The following CDK17 variants were observed in gnomAD, a reference collection of about 807,000 sequenced individuals.
CDK17 encodes the protein cyclin-dependent kinase 17.
CDK17 carries 24 observed loss-of-function variants against 77.6 expected under a neutral mutation model. The ratio of observed to expected loss-of-function variants is 0.31; its 90% CI spans 0.22 to 0.44. The LOEUF is 0.44. Ranked by LOEUF, CDK17 falls within the 20% of genes least tolerant of loss-of-function variation. The pLI, the probability that CDK17 is intolerant of heterozygous loss-of-function variation, is 1.00. For synonymous variants in CDK17, 203 were observed against 210.4 expected (o/e 0.96, Z 0.30); for missense variants, 429 against 622.5 (o/e 0.69, Z 3.31).
chr12:96,283,599 T>C lies in CDK17; in HGVS notation c.1365+4A>G, dbSNP rs748016728. The stretch of plus-strand genomic sequence containing the variant: ...TTTAACAATTACTGTAAGAACTGAC[T>C]TACCTGAAGAAATTTTGTTATCAAC... On this transcript the variant is annotated splice_donor_region_variant and intron_variant, in intron 14 of 16. Transcript: ENST00000261211. 1.9e-6 allele frequency: 3 copies of C among 1,581,104 alleles called. No homozygotes were observed. Among genetic ancestry groups the C allele is most frequent in the Non-Finnish European group, 2.6e-6 (3 of 1,151,752 alleles).
chr12:96,358,313 G>C (rs1336862345), intron 1 of CDK17, among the ~76,000 whole-genome samples: 1 of 127,060 alleles, frequency 7.9e-6, no homozygotes, highest in Admixed American at 9.4e-5. Flanking sequence ...CAGATATGCA[G>C]ATTATGCAGG....
At chr12:96,361,278 G>C (rs962629013) in intron 1 of CDK17, among the ~76,000 whole-genome samples, 1 of 152,160 alleles carries the variant, frequency 6.6e-6, no homozygotes, top group Non-Finnish European at 1.5e-5. Context: ...TTTCCTACCA[G>C]GGTGAAGCTT....
chr12:96,315,004 G>A (rs1198920557), intron 3 of CDK17, among the ~76,000 whole-genome samples: 2 of 152,134 alleles, frequency 1.3e-5, no homozygotes, highest in East Asian at 3.8e-4. Flanking sequence ...GATTTAGCTT[G>A]TTCACTTTTC....
chr12:96,338,449 A>G (rs966633538), intron 1 of CDK17, among the ~76,000 whole-genome samples: 1 of 152,196 alleles, frequency 6.6e-6, no homozygotes, highest in African/African-American at 2.4e-5. Flanking sequence ...TTCCCAACGC[A>G]CACTCCAAGA....
intron 1 of CDK17, among the ~76,000 whole-genome samples, chr12:96,369,600 A>G (rs1592759174): frequency 2.0e-5 from 3 of 152,100 alleles, no homozygotes; most frequent in African/African-American, 7.2e-5. Context: ...CAACACGGAG[A>G]AACCTGGTCT....
At chr12:96,289,688 T>G (rs1279171422) in intron 10 of CDK17, among the ~76,000 whole-genome samples, 1 of 152,228 alleles carries the variant, frequency 6.6e-6, no homozygotes, top group African/African-American at 2.4e-5. Context: ...GGCTATGAGC[T>G]TTTGTCACCT....
At chr12:96,280,639 C>T in intron 16 of CDK17, 169 bp downstream of exon 16, 5 of 1,424,396 alleles carry the variant, frequency 3.5e-6, no homozygotes, top group Non-Finnish European at 4.6e-6. Flanking sequence ...CTGAGCTGCC[C>T]ACATCATACA....
intron 1 of CDK17, chr12:96,399,194 A>G (rs1254077792): frequency 6.6e-6 from 1 of 152,372 alleles, no homozygotes; most frequent in Non-Finnish European, 1.5e-5. Flanking sequence ...ATCTGGAGCT[A>G]TCCAGCTGAG....
intron 1 of CDK17, among the ~76,000 whole-genome samples, chr12:96,345,662 G>A (rs1389160527): frequency 6.6e-6 from 1 of 152,138 alleles, no homozygotes; most frequent in East Asian, 1.9e-4. Context: ...AAGAGACAGA[G>A]ATATACAGGA....
At chr12:96,300,710 T>TAAA (rs756580771) in intron 5 of CDK17, among the ~76,000 whole-genome samples, 9 of 152,364 alleles carry the variant, frequency 5.9e-5, no homozygotes, top group Non-Finnish European at 1.2e-4. Flanking sequence ...TATATATTCT[T>TAAA]AAAGTTTCAA....
At chr12:96,370,052 C>T (rs1271447848) in intron 1 of CDK17, among the ~76,000 whole-genome samples, 1 of 152,050 alleles carries the variant, frequency 6.6e-6, no homozygotes, top group Admixed American at 6.5e-5. Context: ...AAGGAAAGAA[C>T]GGAGGGCATT....
At chr12:96,382,712 A>T (rs1456273962) in intron 1 of CDK17, among the ~76,000 whole-genome samples, 1 of 152,210 alleles carries the variant, frequency 6.6e-6, no homozygotes. Flanking sequence ...CAACACATGA[A>T]AACAATAAAT....
intron 5 of CDK17, among the ~76,000 whole-genome samples, chr12:96,304,740 C>G (rs1952555107): frequency 6.6e-6 from 1 of 152,160 alleles, no homozygotes; most frequent in Admixed American, 6.5e-5. Context: ...CACCACAATA[C>G]CACCTTAATC....
At chr12:96,381,108 A>G (rs1173714224) in intron 1 of CDK17, among the ~76,000 whole-genome samples, 1 of 152,176 alleles carries the variant, frequency 6.6e-6, no homozygotes, top group Non-Finnish European at 1.5e-5. Context: ...AACACAAATA[A>G]ACTAATACAC....
chr12:96,366,184 AATG>A (rs1175905872), intron 1 of CDK17, among the ~76,000 whole-genome samples: 3 of 152,208 alleles, frequency 2.0e-5, no homozygotes, highest in African/African-American at 7.2e-5. Flanking sequence ...TGTATTTTTA[AATG>A]ATATCAAGTT....
At chr12:96,363,567 G>A (rs1953531375) in intron 1 of CDK17, among the ~76,000 whole-genome samples, 2 of 152,042 alleles carry the variant, frequency 1.3e-5, no homozygotes, top group Admixed American at 6.6e-5. Context: ...ATATTGTTGG[G>A]CCAGGTGTGG....
At chr12:96,328,800 G>C (rs1444016513) in intron 2 of CDK17, among the ~76,000 whole-genome samples, 1 of 152,130 alleles carries the variant, frequency 6.6e-6, no homozygotes, top group Non-Finnish European at 1.5e-5. Context: ...TTCAGACTTA[G>C]GAGTAGTCAA....
intron 1 of CDK17, among the ~76,000 whole-genome samples, chr12:96,381,344 G>A (rs1054158808): frequency 5.7e-5 from 8 of 139,244 alleles, no homozygotes; most frequent in Non-Finnish European, 1.2e-4. Context: ...TTCATCCCAT[G>A]TACAAAACCA....
At chr12:96,293,100 C>G (rs922093461) in intron 10 of CDK17, among the ~76,000 whole-genome samples, 3 of 152,102 alleles carry the variant, frequency 2.0e-5, no homozygotes, top group Non-Finnish European at 4.4e-5. Context: ...TTAAAAACAC[C>G]ACCCTTTATA....
Sources: allele counts gnomAD v4.1 joint callset (sites outside exome capture counted in the v4.1 genomes callset), GRCh38; gene constraint gnomAD v4.1.1; transcripts MANE v1.5; gene names NCBI Gene and HGNC (gene_info 2026-07-23, HGNC 2026-07-21).